Variants in NT5DC4 observed in about 807,000 individuals in gnomAD.
NT5DC4 encodes the protein 5'-nucleotidase domain containing 4.
Under a neutral mutation model 26.6 loss-of-function variants are expected in NT5DC4, and 44 were observed. That is an observed-to-expected ratio of 1.65 (90% CI 1.30 to 2.13). The LOEUF (loss-of-function observed/expected upper bound fraction) is 2.13, where lower values mean the gene tolerates loss of function less well. NT5DC4 is among the 30% of genes most tolerant of loss of function. NT5DC4 has a pLI of 0.00. For synonymous variants in NT5DC4, 157 were observed against 86.7 expected (o/e 1.81, Z -4.51); for missense variants, 399 against 228.1 (o/e 1.75, Z -4.83).
chr2:112,731,917 C>CTTTTTTTTT (rs749249208), intron 16 of NT5DC4, among the ~76,000 whole-genome samples: 1 of 108,634 alleles, frequency 9.2e-6, no homozygotes. Flanking sequence ...AGAGAGTTTA[C>CTTTTTTTTT]TTTTTTTTTT....
chr2:112,740,206 T>A (rs569182466), downstream of NT5DC4, among the ~76,000 whole-genome samples: 7 of 152,090 alleles, frequency 4.6e-5, no homozygotes, highest in Non-Finnish European at 1.0e-4. Context: ...GGGAAAATGG[T>A]GTGTGTCAGA....
At chr2:112,732,797 C>A (rs1418238826) in intron 16 of NT5DC4, among the ~76,000 whole-genome samples, 1 of 152,186 alleles carries the variant, frequency 6.6e-6, no homozygotes, top group African/African-American at 2.4e-5. Flanking sequence ...CCATTCCCTG[C>A]CTCTTCTCCC....
At chr2:112,719,965 TCTTTCTTTCTTTCTTTCTTTC>T (rs1558715393), upstream of NT5DC4, among the ~76,000 whole-genome samples, 2 of 129,550 alleles carry the variant, frequency 1.5e-5, no homozygotes, top group African/African-American at 6.3e-5. Flanking sequence ...TTTCTTTCTT[TCTTTCTTTCTTTCTTTCTTTC>T]TTTTTCTTTT....
At chr2:112,737,608 G>T (rs753185592) in intron 16 of NT5DC4, 1 of 151,952 alleles carries the variant, frequency 6.6e-6, no homozygotes, top group Non-Finnish European at 1.5e-5. Flanking sequence ...GTCTCTTATT[G>T]AAAGTCTGCT....
chr2:112,723,039 G>T (rs926366989), intron 6 of NT5DC4, 42 bp from the exon 7 acceptor site: 2 of 684,870 alleles, frequency 2.9e-6, no homozygotes, highest in Non-Finnish European at 5.4e-6. Flanking sequence ...GTCATTTCAG[G>T]CCCCCTTATT....
At chr2:112,719,922 T>TTCTTTCTTTCTTTCTC (rs1676691687), upstream of NT5DC4, among the ~76,000 whole-genome samples, 1 of 90,010 alleles carries the variant, frequency 1.1e-5, no homozygotes, top group Non-Finnish European at 2.1e-5. Context: ...CTTTCTTTCT[T>TTCTTTCTTTCTTTCTC]TCTCTTTCTT....
At chr2:112,724,693 G>T (rs1677454893) in intron 10 of NT5DC4, 88 bp from the exon 11 acceptor site, 1 of 684,064 alleles carries the variant, frequency 1.5e-6, no homozygotes, top group Non-Finnish European at 2.7e-6. Context: ...GAGGTTGGTG[G>T]GGAGAGGCAG....
chr2:112,740,885 G>T, downstream of NT5DC4: 3 of 1,614,020 alleles, frequency 1.9e-6, 1 homozygote, highest in South Asian at 3.3e-5. Context: ...GCTATTCGGG[G>T]TGTCGCCGTG....
At chr2:112,736,106 AG>A (rs1190158803) in intron 16 of NT5DC4, among the ~76,000 whole-genome samples, 2 of 152,106 alleles carry the variant, frequency 1.3e-5, no homozygotes, top group East Asian at 3.9e-4. Context: ...CCAGAAAAAA[AG>A]TAAGTGCACA....
intron 16 of NT5DC4, 116 bp from the exon 17 acceptor site, chr2:112,738,797 C>T (rs752907268): frequency 2.0e-6 from 3 of 1,475,050 alleles, no homozygotes; most frequent in Non-Finnish European, 9.5e-7. Context: ...TTCTGAAACA[C>T]CTTTTTTAAA....
At chr2:112,730,504 G>T (rs891834552) in intron 16 of NT5DC4, among the ~76,000 whole-genome samples, 4 of 152,078 alleles carry the variant, frequency 2.6e-5, no homozygotes, top group African/African-American at 9.7e-5. Context: ...GACAGGCTTT[G>T]TTAACATTAA....
At chr2:112,730,510 ATT>A (rs1177409024) in intron 16 of NT5DC4, among the ~76,000 whole-genome samples, 1 of 152,072 alleles carries the variant, frequency 6.6e-6, no homozygotes, top group Non-Finnish European at 1.5e-5. Context: ...CTTTGTTAAC[ATT>A]AATGACTAGT....
At chr2:112,726,122 T>C in intron 13 of NT5DC4, 116 bp from the exon 14 acceptor site, 1 of 685,052 alleles carries the variant, frequency 1.5e-6, no homozygotes, top group Non-Finnish European at 2.7e-6. Context: ...AGGGGTGTTA[T>C]GCACACAGCT....
At chr2:112,723,912 AC>A in intron 9 of NT5DC4, 110 bp downstream of exon 9, 1 of 691,118 alleles carries the variant, frequency 1.4e-6, no homozygotes, top group Non-Finnish European at 2.7e-6. Flanking sequence ...AGACCCTCCT[AC>A]CCCCACCACT....
At chr2:112,734,822 T>C (rs1009426120) in intron 16 of NT5DC4, among the ~76,000 whole-genome samples, 1 of 152,160 alleles carries the variant, frequency 6.6e-6, no homozygotes, top group African/African-American at 2.4e-5. Context: ...CCCAAGTAGC[T>C]GGGACTACAG....
chr2:112,722,150 C>A, intron 3 of NT5DC4, 33 bp from the exon 4 acceptor site: 1 of 667,764 alleles, frequency 1.5e-6, no homozygotes, highest in Non-Finnish European at 2.7e-6. Flanking sequence ...TTGGTACCCC[C>A]ACCCACAGTG....
chr2:112,728,372 G>T (rs1390528982), intron 15 of NT5DC4, among the ~76,000 whole-genome samples: 2 of 152,174 alleles, frequency 1.3e-5, no homozygotes, highest in Admixed American at 1.3e-4. Flanking sequence ...ACTCTGGCTG[G>T]TTTTCCTCTG....
intron 16 of NT5DC4, among the ~76,000 whole-genome samples, chr2:112,730,173 C>T (rs998194546): frequency 2.6e-4 from 39 of 151,864 alleles, no homozygotes; most frequent in Admixed American, 2.4e-3. Flanking sequence ...ATTAGCTGGG[C>T]ATGGTGGTGG....
intron 10 of NT5DC4, 154 bp from the exon 11 acceptor site, chr2:112,724,627 G>A: frequency 1.6e-6 from 1 of 615,392 alleles, no homozygotes; most frequent in East Asian, 2.8e-5. Flanking sequence ...GCTTGGCTGG[G>A]GAAGCTGGGC....
Sources: allele counts gnomAD v4.1 joint callset (sites outside exome capture counted in the v4.1 genomes callset), GRCh38; gene constraint gnomAD v4.1.1; transcripts MANE v1.5; gene names NCBI Gene and HGNC (gene_info 2026-07-23, HGNC 2026-07-21).